RTCB: variants seen among roughly 807,000 people sequenced by gnomAD.
RTCB encodes RNA-splicing ligase RTCB.
Under a neutral mutation model 58.2 loss-of-function variants are expected in RTCB, and 32 were observed. The ratio of observed to expected loss-of-function variants is 0.55; its 90% CI spans 0.41 to 0.74. RTCB has a LOEUF of 0.74. Ranked by LOEUF, RTCB falls within the 30% of genes least tolerant of loss-of-function variation. The pLI is 0.00. For synonymous variants in RTCB, 247 were observed against 218.6 expected (o/e 1.13, Z -1.15); for missense variants, 523 against 639.0 (o/e 0.82, Z 1.96).
chr22:32,388,230 A>C, intron 11 of RTCB, 131 bp from the exon 12 acceptor site: 1 of 594,122 alleles, frequency 1.7e-6, no homozygotes, highest in Non-Finnish European at 3.0e-6. Flanking sequence ...CTATGAAATT[A>C]GCAAAAATTT....
chr22:32,393,943 A>G lies in RTCB; in HGVS notation c.1239T>C (p.Thr413=). The change falls in exon 10 of 12, where the codon ACT becomes ACC. Residue 413 remains threonine, a synonymous_variant. Coordinates refer to ENST00000216038, the MANE Select transcript of RTCB (RefSeq NM_014306.5). ...GTMGTCSYVL[T]GTEQGMTETF... ...TCTCAGTCATGCCCTGTTCAGTGCC[A>G]GTAAGAACATAACTACAGGTTCCCA... The G allele has an allele frequency of 6.2e-7, 1 of 1,614,200 alleles. No individual in the cohort carries two copies. The highest frequency in any genetic ancestry group is 1.1e-5 in the South Asian group (1 of 91,086).
At chr22:32,409,229 G>A (rs1933479426) in intron 1 of RTCB, among the ~76,000 whole-genome samples, 1 of 150,846 alleles carries the variant, frequency 6.6e-6, no homozygotes, top group African/African-American at 2.4e-5. Flanking sequence ...GAATCAAAAA[G>A]TCCAATTCTA....
At chr22:32,404,231 T>G (rs898723499) in intron 4 of RTCB, among the ~76,000 whole-genome samples, 3 of 152,220 alleles carry the variant, frequency 2.0e-5, no homozygotes, top group African/African-American at 7.2e-5. Context: ...TTGAGGAATC[T>G]CCATACTGTT....
intron 1 of RTCB, among the ~76,000 whole-genome samples, chr22:32,411,535 A>C (rs144280090): frequency 9.8e-4 from 149 of 152,290 alleles, no homozygotes; most frequent in African/African-American, 3.5e-3. Context: ...TTAAAATCAA[A>C]CAGGCCCTGC....
chr22:32,408,097 CACT>C (rs775513454), intron 3 of RTCB, 75 bp downstream of exon 3: 164 of 1,292,652 alleles, frequency 1.3e-4, no homozygotes, highest in Non-Finnish European at 1.7e-4. Context: ...TAAATGACAC[CACT>C]ATCAGGCATG....
chr22:32,388,054 G>A lies in RTCB; in HGVS notation c.1456C>T (p.His486Tyr). 1 of 1,613,978 alleles carries A rather than the reference G, an allele frequency of 6.2e-7. No homozygotes were observed. Among genetic ancestry groups the A allele is most frequent in the Non-Finnish European group, 8.5e-7 (1 of 1,179,864 alleles). Reference sequence around the variant, plus strand: ...GCTTTCTTGCTGATTCCAGCATCATGGCAGGTATTTACCACATCTGTCACA... The same window carrying A: ...GCTTTCTTGCTGATTCCAGCATCATAGCAGGTATTTACCACATCTGTCACA... Reference protein sequence around the residue: ...KNVTDVVNTCHDAGISKKAIK... With the variant: ...KNVTDVVNTCYDAGISKKAIK... Residue 486 changes from histidine to tyrosine, a missense_variant, in exon 12 of 12, where the codon CAT becomes TAT. Around this residue, in one of 3 missense-constraint regions of RTCB, gnomAD observed 248 missense variants for 292.5 expected, o/e 0.85. Transcript: ENST00000216038.
chr22:32,393,446 A>G (rs1933189095), intron 10 of RTCB, among the ~76,000 whole-genome samples: 1 of 152,136 alleles, frequency 6.6e-6, no homozygotes, highest in Admixed American at 6.6e-5. Flanking sequence ...GTGTGTGTAG[A>G]CTGTACATGG....
At chr22:32,401,542 T>G in intron 5 of RTCB, 4 of 519,370 alleles carry the variant, frequency 7.7e-6, no homozygotes, top group Non-Finnish European at 1.0e-5. Flanking sequence ...TAAATACTAC[T>G]CTATGTCAAA....
At chr22:32,395,470 C>T (rs1196299891) in intron 8 of RTCB, among the ~76,000 whole-genome samples, 1 of 152,182 alleles carries the variant, frequency 6.6e-6, no homozygotes, top group Non-Finnish European at 1.5e-5. Context: ...TTCAAAATTG[C>T]TTCTTCTCAG....
chr22:32,405,019 T>C (rs1193721885), intron 4 of RTCB, among the ~76,000 whole-genome samples: 1 of 152,110 alleles, frequency 6.6e-6, no homozygotes, highest in Non-Finnish European at 1.5e-5. Flanking sequence ...TATCCTCTTA[T>C]ATGAGTGGGT....
At chr22:32,392,691 A>C (rs1362619475) in intron 10 of RTCB, among the ~76,000 whole-genome samples, 1 of 152,208 alleles carries the variant, frequency 6.6e-6, no homozygotes, top group Non-Finnish European at 1.5e-5. Context: ...CCATGGCGGT[A>C]GGGGGATCTC....
rs978793285 is a variant in RTCB at position 32,399,745 on chromosome 22, G to A, written c.512C>T (p.Ala171Val). ...IPMNAKDLEE[A>V]LEMGVDWSLR... ...GGACCAGTCCACCCCCATCTCCAAG[G>A]CCTCCTCCAAGTCTCTGGATAAGTA... Residue 171 changes from alanine to valine, a missense_variant, in exon 6 of 12, where the codon GCC (alanine) becomes GTC (valine). Coordinates refer to ENST00000216038, the MANE Select transcript of RTCB (RefSeq NM_014306.5). 1 of 1,613,302 alleles carries A rather than the reference G, an allele frequency of 6.2e-7. No homozygotes were observed. Among genetic ancestry groups the A allele is most frequent in the Non-Finnish European group, 8.5e-7 (1 of 1,179,656 alleles).
intron 7 of RTCB, 127 bp from the exon 8 acceptor site, chr22:32,396,376 C>T (rs1434449409): frequency 3.3e-6 from 3 of 903,384 alleles, no homozygotes; most frequent in East Asian, 2.5e-5. Context: ...GCCAACTTTC[C>T]CTTTAATGTG....
chr22:32,392,997 C>T (rs904687379), intron 10 of RTCB, among the ~76,000 whole-genome samples: 1 of 152,178 alleles, frequency 6.6e-6, no homozygotes, highest in Non-Finnish European at 1.5e-5. Flanking sequence ...AGTGAAGTGA[C>T]ATAATCATAG....
rs1933542958 is a variant in RTCB at position 32,412,218 on chromosome 22, C to T, written c.-62G>A. 2.8e-6 allele frequency: 4 copies of T among 1,410,820 alleles called. No homozygotes were observed. Among genetic ancestry groups the T allele is most frequent in the East Asian group, 2.3e-5 (1 of 43,012 alleles). The allele number at this position is 1,410,820 out of a possible 1,614,324, so 87.4% of individuals were successfully genotyped here. On this transcript the variant is annotated 5_prime_UTR_variant, in exon 1 of 12. Coordinates refer to ENST00000216038, the MANE Select transcript of RTCB (RefSeq NM_014306.5). ...TTTGAAGAGCCGCTGCCGCGTAGTC[C>T]GGCTTCTCAGAGCACCGCCTTCCAA...
At chr22:32,392,651 A>G (rs977136961) in intron 10 of RTCB, 2 of 462,954 alleles carry the variant, frequency 4.3e-6, no homozygotes, top group African/African-American at 4.0e-5. Context: ...CCATGACAAT[A>G]AAAAAAGCCT....
intron 1 of RTCB, among the ~76,000 whole-genome samples, chr22:32,409,476 C>T (rs1247363555): frequency 3.3e-5 from 5 of 152,224 alleles, no homozygotes; most frequent in East Asian, 3.9e-4. Context: ...AGGCAATGGA[C>T]GACATACTTA....
At position 32,393,927 on chromosome 22, in the gene RTCB, T is replaced by C. The variant is rs750363018; in HGVS notation, c.1255A>G (p.Met419Val). 2 of 1,614,104 alleles carry C rather than the reference T, an allele frequency of 1.2e-6. No individual in the cohort carries two copies. Among genetic ancestry groups the C allele is most frequent in the East Asian group, 4.5e-5 (2 of 44,878 alleles). The change falls in exon 10 of 12, where the codon ATG (methionine) becomes GTG (valine). Residue 419 changes from methionine to valine, a missense_variant. Transcript: ENST00000216038. ...CAGGTTGTTCCAAAGGTCTCAGTCATGCCCTGTTCAGTGCCAGTAAGAACA... is the reference window on the plus strand; with the variant it reads ...CAGGTTGTTCCAAAGGTCTCAGTCACGCCCTGTTCAGTGCCAGTAAGAACA... ...SYVLTGTEQG[M>V]TETFGTTCHG...
chr22:32,398,647 A>C (rs1933285576), intron 6 of RTCB, among the ~76,000 whole-genome samples: 1 of 152,252 alleles, frequency 6.6e-6, no homozygotes, highest in Admixed American at 6.5e-5. Flanking sequence ...ATAAACAAAA[A>C]AAATCAAGCT....
Sources: allele counts gnomAD v4.1 joint callset (sites outside exome capture counted in the v4.1 genomes callset), GRCh38; gene constraint gnomAD v4.1.1; regional missense constraint gnomAD v4.1.1; transcripts MANE v1.5; gene names NCBI Gene and HGNC (gene_info 2026-07-23, HGNC 2026-07-21).